The following PLEKHM3 variants were observed in gnomAD, a reference collection of about 807,000 sequenced individuals.
The protein encoded by PLEKHM3 is pleckstrin homology domain containing M3.
PLEKHM3 carries 45 observed loss-of-function variants against 81.8 expected under a neutral mutation model. The ratio of observed to expected loss-of-function variants is 0.55; its 90% CI spans 0.43 to 0.71. The LOEUF is 0.71. Among genes scored for constraint, PLEKHM3 ranks in the 30% least tolerant of loss-of-function variants. The pLI is 0.00. For synonymous variants in PLEKHM3, 352 were observed against 356.4 expected, an observed-to-expected ratio of 0.99 and a Z score of 0.14; for missense variants, 788 against 924.3, an observed-to-expected ratio of 0.85 and a Z score of 1.91.
chr2:207,906,006 T>C (rs1688591062), intron 6 of PLEKHM3, among the ~76,000 whole-genome samples: 1 of 152,222 alleles, frequency 6.6e-6, no homozygotes, highest in Non-Finnish European at 1.5e-5. Flanking sequence ...TGATTCCAAA[T>C]GGATACATTA....
At chr2:208,005,827 A>G (rs2362782) in intron 1 of PLEKHM3, among the ~76,000 whole-genome samples, 99,288 of 152,126 alleles carry the variant, frequency 0.65, 33,448 homozygotes, top group Non-Finnish European at 0.74. Context: ...ACGCATGTGC[A>G]TGCGTTGAAC....
chr2:208,000,034 C>T (rs1574480833), intron 2 of PLEKHM3, among the ~76,000 whole-genome samples: 3 of 152,282 alleles, frequency 2.0e-5, no homozygotes, highest in Admixed American at 6.5e-5. Flanking sequence ...ATGAGCTTAT[C>T]TCAAAGGAAA....
intron 7 of PLEKHM3, among the ~76,000 whole-genome samples, chr2:207,839,346 A>G (rs546359228): frequency 6.6e-6 from 1 of 152,166 alleles, no homozygotes; most frequent in East Asian, 1.9e-4. Context: ...GAAAATGCAA[A>G]AAGTCTAGAA....
rs1332022363 is a variant in PLEKHM3, at chr2:207,977,471, GAAGTAT to G, written c.720_725del (p.Leu240_Tyr241del). 30 of 1,614,086 alleles carry G rather than the reference GAAGTAT, an allele frequency of 1.9e-5. No homozygotes were observed. The highest frequency in any genetic ancestry group is 2.5e-5 in the Non-Finnish European group (29 of 1,180,040). On this transcript the variant is annotated inframe_deletion, in exon 3 of 8. Transcript: ENST00000427836. Reference sequence around the variant, plus strand: ...GATTCCCACTGCTGTCGAGGCTGTAGAAGTATAAGTTGTAAGGTGAAAGTTCTGCAT... The same window carrying G: ...GATTCCCACTGCTGTCGAGGCTGTAGAAGTTGTAAGGTGAAAGTTCTGCAT...
At position 207,925,778 on chromosome 2, in the gene PLEKHM3, G is replaced by C. The variant is rs568232367; in HGVS notation, c.1886+5148C>G. On this transcript the variant is annotated intron_variant, in intron 5 of 7. Coordinates refer to ENST00000427836, the MANE Select transcript of PLEKHM3 (RefSeq NM_001080475.3). Reference sequence around the variant, plus strand: ...AATCACTGTACCGCAACTGCCTGAGGGGCGCATTGTAATGGCCTAGCCCAA... The same window carrying C: ...AATCACTGTACCGCAACTGCCTGAGCGGCGCATTGTAATGGCCTAGCCCAA... Among the ~76,000 whole-genome samples the C allele has an allele frequency of 2.6e-5, 4 of 152,164 alleles. No homozygotes were observed. In the Middle Eastern group the frequency reaches 0.01, roughly 388 times the overall value.
chr2:207,955,261 C>T (rs966686084), intron 3 of PLEKHM3, among the ~76,000 whole-genome samples: 1 of 152,062 alleles, frequency 6.6e-6, no homozygotes, highest in Admixed American at 6.5e-5. Flanking sequence ...TAAAATCTTA[C>T]AAATTCAGCT....
intron 6 of PLEKHM3, among the ~76,000 whole-genome samples, chr2:207,870,895 C>T (rs768176071): frequency 1.8e-4 from 27 of 152,106 alleles, no homozygotes; most frequent in Non-Finnish European, 3.5e-4. Context: ...ATCACTTGAG[C>T]CTAGGAGTTC....
intron 2 of PLEKHM3, among the ~76,000 whole-genome samples, chr2:207,982,245 C>A (rs1230331278): frequency 8.1e-6 from 1 of 123,862 alleles, no homozygotes; most frequent in African/African-American, 3.0e-5. Flanking sequence ...CCCCCCCTCG[C>A]TCCCCCCCTC....
At chr2:207,924,447 C>A (rs1032677619) in intron 5 of PLEKHM3, among the ~76,000 whole-genome samples, 5 of 151,618 alleles carry the variant, frequency 3.3e-5, no homozygotes. Flanking sequence ...CACTTGGGGA[C>A]GCCGAGGCAG....
chr2:207,884,704 TC>T (rs1687831771), intron 6 of PLEKHM3, among the ~76,000 whole-genome samples: 1 of 152,172 alleles, frequency 6.6e-6, no homozygotes, highest in South Asian at 2.1e-4. Flanking sequence ...TAATAGAAAA[TC>T]AGTTTCTCTT....
intron 5 of PLEKHM3, among the ~76,000 whole-genome samples, chr2:207,919,625 G>C (rs191228102): frequency 6.6e-6 from 1 of 152,298 alleles, no homozygotes; most frequent in Non-Finnish European, 1.5e-5. Flanking sequence ...TCACTGTATG[G>C]ACAGAGATGC....
chr2:208,022,857 GC>G, intron 1 of PLEKHM3, among the ~76,000 whole-genome samples: 1 of 152,142 alleles, frequency 6.6e-6, no homozygotes, highest in East Asian at 1.9e-4. Flanking sequence ...ATTACAGACA[GC>G]AATTTTAGTA....
chr2:207,892,339 T>C (rs1436915331), intron 6 of PLEKHM3, among the ~76,000 whole-genome samples: 1 of 152,224 alleles, frequency 6.6e-6, no homozygotes, highest in Non-Finnish European at 1.5e-5. Flanking sequence ...CCATTTACCA[T>C]ACACATCCAT....
At chr2:207,838,019 G>A (rs920277202) in intron 7 of PLEKHM3, among the ~76,000 whole-genome samples, 3 of 145,346 alleles carry the variant, frequency 2.1e-5, no homozygotes, top group Non-Finnish European at 3.0e-5. Flanking sequence ...TGATCCGCCC[G>A]CCTCGGCCTC....
At position 207,828,378 on chromosome 2, in the gene PLEKHM3, T is replaced by C. The variant is rs1412043662; in HGVS notation, c.2227A>G (p.Met743Val). Reference protein sequence around the residue: ...KQKSFWQRLNMDESLEEACTM... With the variant: ...KQKSFWQRLNVDESLEEACTM... Reference sequence around the variant, plus strand: ...CAAGCCTCCTCTAGACTCTCGTCCATGTTCAGTCTCTGCCAGAAAGACTTC... The same window carrying C: ...CAAGCCTCCTCTAGACTCTCGTCCACGTTCAGTCTCTGCCAGAAAGACTTC... Residue 743 changes from methionine (M) to valine (V), a missense_variant, in exon 8 of 8, where the codon ATG becomes GTG. By Grantham distance (21) the Met-to-Val change is conservative. Coordinates refer to ENST00000427836, the MANE Select transcript of PLEKHM3 (RefSeq NM_001080475.3). The C allele has an allele frequency of 6.2e-6, 10 of 1,614,060 alleles. No individual in the cohort carries two copies. The East Asian group carries it at 6.7e-5, about 11-fold the overall frequency.
At chr2:207,865,801 A>AAAAAAAAAAAAAAAAATATATAT in intron 6 of PLEKHM3, among the ~76,000 whole-genome samples, 1 of 25,286 alleles carries the variant, frequency 4.0e-5, no homozygotes, top group Non-Finnish European at 7.6e-5. Flanking sequence ...AAAAAAAAAA[A>AAAAAAAAAAAAAAAAATATATAT]AGATATATAT....
rs1691315589 is a variant in PLEKHM3, at chr2:207,976,584, G to C, written c.1546+67C>G. On this transcript the variant is annotated intron_variant, in intron 3 of 7. Transcript: ENST00000427836. This position sits in a 1 kb window ranked among gnomAD's most constrained non-coding sequence, Gnocchi z 4.1. ...CTAGCCTATTAAGGGGATTTTTAAAGTGAATTCCAATTGTGGGGTTCAGGA... is the reference window on the plus strand; with the variant it reads ...CTAGCCTATTAAGGGGATTTTTAAACTGAATTCCAATTGTGGGGTTCAGGA... 1 of 1,460,766 alleles carries C rather than the reference G, an allele frequency of 6.8e-7. No individual in the cohort carries two copies. The highest frequency in any genetic ancestry group is 1.4e-5 in the African/African-American group (1 of 70,706). 90.5% of individuals were successfully genotyped at this position (1,460,766 alleles called of 1,614,324 possible).
At chr2:207,952,916 A>G (rs140519007) in intron 3 of PLEKHM3, among the ~76,000 whole-genome samples, 59 of 152,352 alleles carry the variant, frequency 3.9e-4, no homozygotes, top group African/African-American at 1.4e-3. Context: ...TACTTTTTGC[A>G]TCCCAAGCAT....
intron 1 of PLEKHM3, among the ~76,000 whole-genome samples, chr2:208,008,138 T>C (rs1692559739): frequency 6.6e-6 from 1 of 152,030 alleles, no homozygotes; most frequent in African/African-American, 2.4e-5. Flanking sequence ...TTCAGGGGGC[T>C]AAGGCAAGAG....
Sources: gnomAD v4.1 joint callset for allele counts (sites outside exome capture counted in the v4.1 genomes callset) on GRCh38, gnomAD v4.1.1 for gene constraint, Gnocchi (gnomAD v3.1) non-coding constraint, MANE v1.5 for transcripts, NCBI Gene and HGNC (gene_info 2026-07-23, HGNC 2026-07-21) for gene names.